Variants in THSD1 observed in about 807,000 individuals in gnomAD.
THSD1 encodes thrombospondin type 1 domain containing 1.
In THSD1, 34 loss-of-function variants were observed where a neutral mutation model predicts 46.3. That is an observed-to-expected ratio of 0.74 (90% CI 0.56 to 0.98). The LOEUF is 0.98. THSD1 is among the 50% of genes least tolerant of loss of function. The pLI is 0.00. For missense variants in THSD1, 1,023 were observed against 1,058.3 expected (o/e 0.97, Z 0.46); for synonymous variants, 407 against 416.5 (o/e 0.98, Z 0.28).
intron 4 of THSD1, among the ~76,000 whole-genome samples, chr13:52,381,906 A>G (rs1957696008): frequency 6.6e-6 from 1 of 152,108 alleles, no homozygotes; most frequent in African/African-American, 2.4e-5. Flanking sequence ...CCTGCAACCT[A>G]TCCCCAAGAT....
At position 52,397,918 on chromosome 13, in the gene THSD1, G is replaced by A. The variant is rs776491275; in HGVS notation, c.335C>T (p.Thr112Ile). The A allele has an allele frequency of 5.0e-6, 8 of 1,614,254 alleles. No individual in the cohort carries two copies. In the South Asian group the frequency reaches 8.8e-5, roughly 18 times the overall value. ...TMTPEATDNSTPFPWWEKSAF... is the reference protein window; with the variant it reads ...TMTPEATDNSIPFPWWEKSAF... ...ACTTTTCTCCCACCAGGGGAATGGA[G>A]TGCTGTTGTCTGTTGCTTCTGGAGT... The change falls in exon 3 of 5, where the codon ACT (threonine) becomes ATT (isoleucine). Residue 112 changes from threonine to isoleucine, a missense_variant. Thr to Ile is a moderately conservative substitution (Grantham distance 89). Transcript: ENST00000258613.
intron 3 of THSD1, among the ~76,000 whole-genome samples, chr13:52,396,186 G>A (rs1424223214): frequency 2.0e-5 from 3 of 151,998 alleles, no homozygotes; most frequent in Non-Finnish European, 4.4e-5. Context: ...GGGTTACAAA[G>A]TCAGGCTTGT....
chr13:52,384,184 C>CAAA (rs754288122), intron 4 of THSD1: 516 of 161,286 alleles, frequency 3.2e-3, no homozygotes, highest in South Asian at 4.4e-3. Context: ...AACTCCGTCT[C>CAAA]AAAAAAAAAA....
At position 52,378,360 on chromosome 13, in the gene THSD1, A is replaced by G; in HGVS notation, c.1610T>C (p.Leu537Ser). 6.2e-7 allele frequency: 1 copy of G among 1,614,002 alleles called. No individual in the cohort carries two copies. Among genetic ancestry groups the G allele is most frequent in the Non-Finnish European group, 8.5e-7 (1 of 1,180,012 alleles). The part of the protein sequence containing the change: ...LFSYRLAQQQ[L>S]KEMKKKGLTE... ...CAGACCTTTCTTTTTCATCTCCTTTAACTGCTGCTGGGCAAGGCGGTAGCT... is the reference window on the plus strand; with the variant it reads ...CAGACCTTTCTTTTTCATCTCCTTTGACTGCTGCTGGGCAAGGCGGTAGCT... The change falls in exon 5 of 5, where the codon TTA (leucine) becomes TCA (serine). Residue 537 changes from leucine to serine, a missense_variant. Leu to Ser is a moderately radical substitution (Grantham distance 145, BLOSUM62 -2). Coordinates refer to ENST00000258613, the MANE Select transcript of THSD1 (RefSeq NM_018676.4).
At chr13:52,381,828 T>G (rs1355126208) in intron 4 of THSD1, among the ~76,000 whole-genome samples, 1 of 152,176 alleles carries the variant, frequency 6.6e-6, no homozygotes, top group Non-Finnish European at 1.5e-5. Flanking sequence ...TCTTGCTCCT[T>G]GTCTTCCCAG....
rs1345439547 is a variant in THSD1 at position 52,397,499 on chromosome 13, A to G, written c.754T>C (p.Cys252Arg). Residue 252 changes from cysteine (C) to arginine (R), a missense_variant, in exon 3 of 5, where the codon TGT (cysteine) becomes CGT (arginine). Transcript: ENST00000258613. ...ACTGTCACCTCTACCCCGGACTCAC[A>G]TGTGAGTTCTGGCACCATCACCAGT... ...YKLVMVPELTCESGVEVTVLP... is the reference protein window; with the variant it reads ...YKLVMVPELTRESGVEVTVLP... 1 of 1,614,106 alleles carries G rather than the reference A, an allele frequency of 6.2e-7. No homozygotes were observed. The highest frequency in any genetic ancestry group is 1.1e-5 in the South Asian group (1 of 91,078).
At position 52,400,952 on chromosome 13, in the gene THSD1, CTG is replaced by C. The variant is rs780976366; in HGVS notation, c.58+1589_58+1590del. On this transcript the variant is annotated intron_variant, in intron 2 of 4. Transcript: ENST00000258613. The stretch of plus-strand genomic sequence containing the variant: ...AGAAGGCTGTTACATGTAGAGTAAT[CTG>C]TGTTTTTTTGTTTTTGTTTTTTTGT... Among the ~76,000 whole-genome samples, 10 of 151,982 alleles carry C rather than the reference CTG, an allele frequency of 6.6e-5. 1 individual carries two copies. The highest frequency in any genetic ancestry group is 5.2e-4 in the Admixed American group (8 of 15,250).
At chr13:52,384,100 G>T (rs765758471) in intron 4 of THSD1, 3 of 333,566 alleles carry the variant, frequency 9.0e-6, no homozygotes, top group East Asian at 8.4e-5. Context: ...CAGGAGAATC[G>T]CTTGAACCCG....
At chr13:52,382,374 T>C (rs1274197873) in intron 4 of THSD1, among the ~76,000 whole-genome samples, 1 of 152,172 alleles carries the variant, frequency 6.6e-6, no homozygotes, top group Non-Finnish European at 1.5e-5. Flanking sequence ...ATTTTGCACA[T>C]AGGTTCCTGA....
intron 4 of THSD1, among the ~76,000 whole-genome samples, chr13:52,379,364 C>G (rs1314642982): frequency 6.6e-6 from 1 of 152,170 alleles, no homozygotes; most frequent in Non-Finnish European, 1.5e-5. Context: ...CCCACAGAAG[C>G]GAGGTGACCT....
At chr13:52,405,184 C>G (rs1193732236) in intron 1 of THSD1, among the ~76,000 whole-genome samples, 1 of 152,192 alleles carries the variant, frequency 6.6e-6, no homozygotes, top group Non-Finnish European at 1.5e-5. Flanking sequence ...AATGCATCAG[C>G]TGAGAAGGTG....
At chr13:52,402,439 C>T (rs573184299) in intron 2 of THSD1, 104 bp downstream of exon 2, 1 of 1,137,922 alleles carries the variant, frequency 8.8e-7, no homozygotes, top group Non-Finnish European at 1.3e-6. Flanking sequence ...ACTATATACC[C>T]TACCCTGCCT....
chr13:52,387,592 G>A (rs182578407), intron 3 of THSD1, among the ~76,000 whole-genome samples: 1 of 152,128 alleles, frequency 6.6e-6, no homozygotes, highest in Non-Finnish European at 1.5e-5. Flanking sequence ...AGGTGAACAA[G>A]ATGCATAAAC....
Position 52,378,395 on chromosome 13 carries a change from T to C in THSD1, c.1575A>G (p.Pro525=), listed in dbSNP as rs964094795. The C allele has an allele frequency of 1.2e-6, 2 of 1,613,874 alleles. No homozygotes were observed. The highest frequency in any genetic ancestry group is 3.3e-5 in the Admixed American group (2 of 60,002). The change falls in exon 5 of 5, where the codon CCA becomes CCG. Residue 525 remains proline, a synonymous_variant. Coordinates refer to ENST00000258613, the MANE Select transcript of THSD1 (RefSeq NM_018676.4). The stretch of plus-strand genomic sequence containing the variant: ...GGGCAAGGCGGTAGCTGAACAGAGG[T>C]GGGATTATCTTCTGGGCGTTGGACT... ...SFQSNAQKII[P]PLFSYRLAQQ... is the part of the protein sequence containing the mutation.
At chr13:52,402,029 T>C (rs540742225) in intron 2 of THSD1, among the ~76,000 whole-genome samples, 2 of 152,308 alleles carry the variant, frequency 1.3e-5, no homozygotes, top group Non-Finnish European at 2.9e-5. Flanking sequence ...TTTGCACTCT[T>C]GATATTATCA....
Position 52,378,109 on chromosome 13 carries a change from T to C in THSD1, c.1861A>G (p.Ser621Gly). ...VTQASCAISPSQTLIRKSQAR... is the reference protein window; with the variant it reads ...VTQASCAISPGQTLIRKSQAR... ...TGTGACTTGCGGATCAGAGTCTGGC[T>C]GGGGCTTATGGCACAACTGGCCTGA... The change falls in exon 5 of 5, where the codon AGC (serine) becomes GGC (glycine). Residue 621 changes from serine (S) to glycine (G), a missense_variant. By Grantham distance (56) the Ser-to-Gly change is moderately conservative. Transcript: ENST00000258613. 2.5e-6 allele frequency: 4 copies of C among 1,614,190 alleles called. No individual in the cohort carries two copies. The highest frequency in any genetic ancestry group is 3.4e-6 in the Non-Finnish European group (4 of 1,180,024).
chr13:52,395,042 C>G, intron 3 of THSD1, among the ~76,000 whole-genome samples: 1 of 152,118 alleles, frequency 6.6e-6, no homozygotes, highest in East Asian at 1.9e-4. Context: ...GGAGGGTGTC[C>G]TGGGCCCCAG....
In THSD1 at chr13:52,397,351, G is replaced by T. The variant is rs1566074460; in HGVS notation, c.902C>A (p.Thr301Lys). 5.6e-6 allele frequency: 9 copies of T among 1,614,058 alleles called. No homozygotes were observed. Among genetic ancestry groups the T allele is most frequent in the Middle Eastern group, 1.6e-4 (1 of 6,062 alleles). Residue 301 changes from threonine to lysine, a missense_variant, in exon 3 of 5, where the codon ACA becomes AAA. By Grantham distance (78) the Thr-to-Lys change is moderately conservative. Coordinates refer to ENST00000258613, the MANE Select transcript of THSD1 (RefSeq NM_018676.4). ...ENSLPLGERR[T>K]IFNCTLFDMG... ...GTCAAACAAAGTACAGTTAAAAATT[G>T]TCCTCCTCTCTCCCAGGGGCAGGCT...
chr13:52,401,709 T>C (rs952521183), intron 2 of THSD1, among the ~76,000 whole-genome samples: 1 of 152,230 alleles, frequency 6.6e-6, no homozygotes, highest in African/African-American at 2.4e-5. Context: ...GTCTACTGAA[T>C]GAAATGAACA....
Sources: allele counts gnomAD v4.1 joint callset (sites outside exome capture counted in the v4.1 genomes callset), GRCh38; gene constraint gnomAD v4.1.1; transcripts MANE v1.5; gene names NCBI Gene and HGNC (gene_info 2026-07-23, HGNC 2026-07-21).